GRIN2B: variants seen among roughly 807,000 people sequenced by gnomAD.
The protein encoded by GRIN2B is glutamate ionotropic receptor NMDA type subunit 2B.
A neutral mutation model predicts 114.5 loss-of-function variants in GRIN2B; 5 were observed. The ratio of observed to expected loss-of-function variants is 0.04; its 90% CI spans 0.02 to 0.09. The LOEUF is 0.09. GRIN2B is among the 10% of genes least tolerant of loss of function. The pLI, the probability that GRIN2B is intolerant of heterozygous loss-of-function variation, is 1.00. For synonymous variants in GRIN2B, 787 were observed against 745.1 expected, an observed-to-expected ratio of 1.06 and a Z score of -0.92; for missense variants, 1,108 against 1,943.5, an observed-to-expected ratio of 0.57 and a Z score of 8.08.
At chr12:13,861,409 G>A (rs919030102) in intron 3 of GRIN2B, among the ~76,000 whole-genome samples, 5 of 152,142 alleles carry the variant, frequency 3.3e-5, no homozygotes, top group African/African-American at 1.2e-4. Context: ...AATACATCTA[G>A]CTTCAGTTCA....
At position 13,549,823 on chromosome 12, in the gene GRIN2B, TCTTG is replaced by T. The variant is rs1260133486; in HGVS notation, c.*12956_*12959del. On this transcript the variant is annotated 3_prime_UTR_variant, in exon 14 of 14. Transcript: ENST00000609686. Reference sequence around the variant, plus strand: ...TCTGATTTTCAAATTTTTGCTTTCTTCTTGCTCTTTTTGACTTGTCTCTGTAGAT... The same window carrying T: ...TCTGATTTTCAAATTTTTGCTTTCTTCTCTTTTTGACTTGTCTCTGTAGAT... 1 of 152,230 alleles carries T rather than the reference TCTTG, an allele frequency of 6.6e-6. No individual in the cohort carries two copies. The highest frequency in any genetic ancestry group is 1.5e-5 in the Non-Finnish European group (1 of 68,032). 9.4% of individuals were successfully genotyped at this position (152,230 alleles called of 1,614,324 possible).
chr12:13,832,773 G>A (rs1865175413), intron 3 of GRIN2B, among the ~76,000 whole-genome samples: 1 of 152,056 alleles, frequency 6.6e-6, no homozygotes, highest in South Asian at 2.1e-4. Flanking sequence ...CACCTTTCAA[G>A]TAAATATTTT....
chr12:13,942,073 G>A (rs1375373703), intron 2 of GRIN2B, among the ~76,000 whole-genome samples: 25 of 152,118 alleles, frequency 1.6e-4, no homozygotes, highest in East Asian at 1.9e-4. Flanking sequence ...TGCTTTTACC[G>A]TCTTCCACGT....
chr12:13,661,460 G>C (rs962863963), intron 5 of GRIN2B, among the ~76,000 whole-genome samples: 3 of 152,150 alleles, frequency 2.0e-5, no homozygotes, highest in African/African-American at 7.2e-5. Context: ...GCATTTCCAA[G>C]GCAGTGCTCA....
intron 3 of GRIN2B, among the ~76,000 whole-genome samples, chr12:13,772,755 G>C (rs1319047804): frequency 6.6e-6 from 1 of 152,142 alleles, no homozygotes; most frequent in Non-Finnish European, 1.5e-5. Context: ...TCACAGGCAA[G>C]TTTGCAACCT....
At chr12:13,774,962 C>A (rs6488619) in intron 3 of GRIN2B, among the ~76,000 whole-genome samples, 3 of 152,028 alleles carry the variant, frequency 2.0e-5, no homozygotes, top group Non-Finnish European at 4.4e-5. Flanking sequence ...AGGAAAGTTC[C>A]CATGCAGGAG....
chr12:13,816,847 G>A (rs1048657277), intron 3 of GRIN2B, among the ~76,000 whole-genome samples: 15 of 152,128 alleles, frequency 9.9e-5, no homozygotes, highest in African/African-American at 3.6e-4. Context: ...TGGTAAAGAA[G>A]AGAAAAATAA....
chr12:13,694,069 C>T (rs1351537737), intron 4 of GRIN2B, among the ~76,000 whole-genome samples: 4 of 152,010 alleles, frequency 2.6e-5, no homozygotes, highest in African/African-American at 9.7e-5. Flanking sequence ...TCTTAAGGTG[C>T]AATAAACAGC....
chr12:13,653,728 T>A (rs1438978224), intron 5 of GRIN2B, among the ~76,000 whole-genome samples: 4 of 152,208 alleles, frequency 2.6e-5, no homozygotes, highest in Non-Finnish European at 5.9e-5. Flanking sequence ...CAGTACAATA[T>A]TAACTCAGTA....
rs1412940138 is a variant in GRIN2B at position 13,673,226 on chromosome 12, T to C, written c.1125+2519A>G. On this transcript the variant is annotated intron_variant, in intron 5 of 13. Transcript: ENST00000609686. ...CAAAGGATGGTTATGATTATATAATTGGATAATTCATTCTAGGAAGACACA... is the reference window on the plus strand; with the variant it reads ...CAAAGGATGGTTATGATTATATAATCGGATAATTCATTCTAGGAAGACACA... Among the ~76,000 whole-genome samples the C allele has an allele frequency of 2.0e-5, 3 of 152,232 alleles. No individual in the cohort carries two copies. The East Asian group carries it at 5.8e-4, about 29-fold the overall frequency.
chr12:13,954,400 T>C (rs545501841), intron 2 of GRIN2B, among the ~76,000 whole-genome samples: 1 of 152,318 alleles, frequency 6.6e-6, no homozygotes, highest in South Asian at 2.1e-4. Context: ...ATCCGGTTAA[T>C]GTGGGAGCTC....
chr12:13,684,223 T>C (rs765270626), intron 4 of GRIN2B, among the ~76,000 whole-genome samples: 2 of 152,124 alleles, frequency 1.3e-5, no homozygotes, highest in Non-Finnish European at 2.9e-5. Context: ...ACCTCCATAA[T>C]TTTAGTCTAG....
chr12:13,906,560 T>C (rs890443893), intron 2 of GRIN2B, among the ~76,000 whole-genome samples: 4 of 152,210 alleles, frequency 2.6e-5, no homozygotes, highest in Admixed American at 1.3e-4. Context: ...GTAGTGTATG[T>C]CTCCTTATGA....
At chr12:13,893,480 A>T (rs1866301407) in intron 2 of GRIN2B, among the ~76,000 whole-genome samples, 1 of 152,198 alleles carries the variant, frequency 6.6e-6, no homozygotes, top group African/African-American at 2.4e-5. Flanking sequence ...CACATACAAA[A>T]GTAGGAAGAA....
At chr12:13,880,811 C>T (rs769515308) in intron 2 of GRIN2B, among the ~76,000 whole-genome samples, 1 of 152,232 alleles carries the variant, frequency 6.6e-6, no homozygotes, top group Non-Finnish European at 1.5e-5. Context: ...TGTGTACAGA[C>T]GCCTCTCTTC....
At chr12:13,934,411 G>C (rs1371779877) in intron 2 of GRIN2B, among the ~76,000 whole-genome samples, 1 of 152,176 alleles carries the variant, frequency 6.6e-6, no homozygotes, top group Non-Finnish European at 1.5e-5. Flanking sequence ...ATTCGTTAAT[G>C]GTGGGATGTG....
intron 5 of GRIN2B, among the ~76,000 whole-genome samples, chr12:13,618,986 G>GAAAA (rs3081920): frequency 1.3e-5 from 2 of 151,336 alleles, no homozygotes; most frequent in Non-Finnish European, 1.5e-5. Flanking sequence ...ACCCAAAAAG[G>GAAAA]AAAAAAAAGA....
chr12:13,877,195 T>C (rs1866003167), intron 2 of GRIN2B, among the ~76,000 whole-genome samples: 1 of 152,162 alleles, frequency 6.6e-6, no homozygotes, highest in African/African-American at 2.4e-5. Context: ...TATAGGATGG[T>C]TCTGCTGATG....
intron 4 of GRIN2B, among the ~76,000 whole-genome samples, chr12:13,694,700 T>TATATAA (rs1950245618): frequency 7.9e-6 from 1 of 126,966 alleles, no homozygotes; most frequent in African/African-American, 2.9e-5. Flanking sequence ...TATATATATA[T>TATATAA]ATAAATTAAT....
Sources: allele counts gnomAD v4.1 joint callset (sites outside exome capture counted in the v4.1 genomes callset), GRCh38; gene constraint gnomAD v4.1.1; transcripts MANE v1.5; gene names NCBI Gene and HGNC (gene_info 2026-07-23, HGNC 2026-07-21).